Variants in EIPR1 observed in about 807,000 individuals in gnomAD.
The protein encoded by EIPR1 is EARP and GARP complex-interacting protein 1.
In EIPR1, 25 loss-of-function variants were observed where a neutral mutation model predicts 48.1. The observed-to-expected ratio is 0.52, with a 90% CI of 0.38 to 0.73. The LOEUF is 0.73. Among genes scored for constraint, EIPR1 ranks in the 30% least tolerant of loss-of-function variants. The pLI is 0.00. For synonymous variants in EIPR1, 204 were observed against 201.9 expected (o/e 1.01, Z -0.09); for missense variants, 415 against 506.2 (o/e 0.82, Z 1.73).
At chr2:3,329,393 C>T (rs538499799) in intron 3 of EIPR1, among the ~76,000 whole-genome samples, 37 of 151,728 alleles carry the variant, frequency 2.4e-4, no homozygotes, top group African/African-American at 8.0e-4. Flanking sequence ...CCACCTACCA[C>T]ACTCTAATGA....
chr2:3,259,475 C>T (rs2103223239), intron 3 of EIPR1, among the ~76,000 whole-genome samples: 1 of 152,348 alleles, frequency 6.6e-6, no homozygotes. Context: ...TCAAAGTCTA[C>T]ACCAGATACA....
At chr2:3,353,366 G>A (rs574340588) in intron 2 of EIPR1, 20 of 465,618 alleles carry the variant, frequency 4.3e-5, no homozygotes, top group East Asian at 3.5e-4. Flanking sequence ...TTTACACCAC[G>A]TTGATCATAC....
chr2:3,266,377 T>G (rs1242372181), intron 3 of EIPR1, among the ~76,000 whole-genome samples: 1 of 152,250 alleles, frequency 6.6e-6, no homozygotes, highest in Non-Finnish European at 1.5e-5. Flanking sequence ...GCTCACCTGA[T>G]GCAGGTACGC....
chr2:3,362,636 C>T (rs1368862752), intron 1 of EIPR1, among the ~76,000 whole-genome samples: 3 of 141,642 alleles, frequency 2.1e-5, no homozygotes, highest in African/African-American at 7.8e-5. Flanking sequence ...GGTGACAGAG[C>T]GAGACTCTGT....
intron 3 of EIPR1, among the ~76,000 whole-genome samples, chr2:3,259,970 C>A (rs1667275624): frequency 6.6e-6 from 1 of 152,140 alleles, no homozygotes; most frequent in South Asian, 2.1e-4. Flanking sequence ...TAATACAAAT[C>A]TTTTCAAGAA....
At chr2:3,210,939 T>G (rs1249241157) in intron 5 of EIPR1, among the ~76,000 whole-genome samples, 1 of 152,124 alleles carries the variant, frequency 6.6e-6, no homozygotes, top group Non-Finnish European at 1.5e-5. Flanking sequence ...GCCCCTGGCC[T>G]AGCTCCCACT....
intron 3 of EIPR1, among the ~76,000 whole-genome samples, chr2:3,335,500 G>A (rs1000538456): frequency 6.6e-6 from 1 of 152,144 alleles, no homozygotes. Flanking sequence ...CAAGGGTGGA[G>A]GAGAGGGCAA....
chr2:3,204,066 A>G lies in EIPR1; in HGVS notation c.517-7049T>C, dbSNP rs371406457. The stretch of plus-strand genomic sequence containing the variant: ...GCACTTTGAGGTCATCTGTTCCAGC[A>G]ACAGACAGACTAACACGAGGCACTG... On this transcript the variant is annotated intron_variant, in intron 5 of 8. Coordinates refer to ENST00000382125, the MANE Select transcript of EIPR1 (RefSeq NM_003310.5). 1.4e-4 allele frequency among the ~76,000 whole-genome samples: 22 copies of G among 152,372 alleles called. No homozygotes were observed. In the East Asian group the frequency reaches 3.5e-3, roughly 24 times the overall value.
chr2:3,292,808 C>A (rs920253616), intron 3 of EIPR1, among the ~76,000 whole-genome samples: 1 of 147,128 alleles, frequency 6.8e-6, no homozygotes, highest in African/African-American at 2.5e-5. Flanking sequence ...ATAATGAATT[C>A]AACTGTTACT....
chr2:3,344,228 G>A (rs1484992582), intron 2 of EIPR1, among the ~76,000 whole-genome samples: 2 of 152,146 alleles, frequency 1.3e-5, no homozygotes, highest in Non-Finnish European at 2.9e-5. Flanking sequence ...AGGAGACACC[G>A]TCCCTGCCAC....
chr2:3,305,174 C>A (rs868752484), intron 3 of EIPR1, among the ~76,000 whole-genome samples: 1 of 147,210 alleles, frequency 6.8e-6, no homozygotes, highest in African/African-American at 2.6e-5. Context: ...CCAGTTCAAC[C>A]CTCCAATCCC....
intron 1 of EIPR1, among the ~76,000 whole-genome samples, chr2:3,360,132 A>G (rs1670817782): frequency 1.3e-5 from 2 of 152,200 alleles, no homozygotes; most frequent in South Asian, 4.1e-4. Flanking sequence ...GTCTAGGCAC[A>G]GTGGCTCACG....
chr2:3,214,507 C>T (rs1008719791), intron 4 of EIPR1: 14 of 354,662 alleles, frequency 3.9e-5, no homozygotes, highest in Non-Finnish European at 6.8e-5. Flanking sequence ...TGCAGAGGTT[C>T]GTCAATGTAC....
intron 3 of EIPR1, among the ~76,000 whole-genome samples, chr2:3,270,033 C>T (rs1667656552): frequency 6.6e-6 from 1 of 152,218 alleles, no homozygotes; most frequent in Admixed American, 6.5e-5. Flanking sequence ...AGAAATCATA[C>T]CAGGAGGCAA....
chr2:3,254,284 T>C (rs1368577402), intron 4 of EIPR1, among the ~76,000 whole-genome samples: 1 of 152,178 alleles, frequency 6.6e-6, no homozygotes, highest in African/African-American at 2.4e-5. Context: ...GCCCTCACGC[T>C]CTGTCATGGC....
At chr2:3,297,792 C>T (rs975352875) in intron 3 of EIPR1, among the ~76,000 whole-genome samples, 4 of 152,188 alleles carry the variant, frequency 2.6e-5, no homozygotes, top group African/African-American at 7.2e-5. Context: ...GGCCCCTCTC[C>T]TAGACCATGA....
intron 3 of EIPR1, among the ~76,000 whole-genome samples, chr2:3,292,342 A>G (rs1668393768): frequency 1.3e-5 from 2 of 152,174 alleles, no homozygotes; most frequent in Admixed American, 1.3e-4. Flanking sequence ...GGCCCCAGAT[A>G]CTTCCCCCAT....
intron 5 of EIPR1, among the ~76,000 whole-genome samples, chr2:3,199,071 C>CCCCCCA (rs1558216901): frequency 2.0e-5 from 1 of 50,410 alleles, no homozygotes; most frequent in African/African-American, 6.1e-5. Context: ...GCCCCCCCCC[C>CCCCCCA]GCCCCGGGAA....
intron 4 of EIPR1, among the ~76,000 whole-genome samples, chr2:3,249,276 T>C (rs1666934098): frequency 6.6e-6 from 1 of 152,232 alleles, no homozygotes; most frequent in Non-Finnish European, 1.5e-5. Flanking sequence ...TATTTGAAAC[T>C]GGAGCAAAGG....
Sources: gnomAD v4.1 joint callset for allele counts (sites outside exome capture counted in the v4.1 genomes callset) on GRCh38, gnomAD v4.1.1 for gene constraint, MANE v1.5 for transcripts, NCBI Gene and HGNC (gene_info 2026-07-23, HGNC 2026-07-21) for gene names.